The following G3BP2 variants were observed in gnomAD, a reference collection of about 807,000 sequenced individuals.
G3BP2 encodes the protein ras GTPase-activating protein-binding protein 2.
In G3BP2, 11 loss-of-function variants were observed where a neutral mutation model predicts 56.7. The ratio of observed to expected loss-of-function variants is 0.19; its 90% CI spans 0.12 to 0.32. The LOEUF (loss-of-function observed/expected upper bound fraction) is 0.32, where lower values mean the gene tolerates loss of function less well. G3BP2 is among the 10% of genes least tolerant of loss of function. The pLI is 1.00. For missense variants in G3BP2, 340 were observed against 610.9 expected (o/e 0.56, Z 4.67); for synonymous variants, 165 against 191.6 (o/e 0.86, Z 1.15).
At chr4:75,688,345 C>T (rs1473810982) in intron 3 of G3BP2, among the ~76,000 whole-genome samples, 1 of 152,144 alleles carries the variant, frequency 6.6e-6, no homozygotes, top group Admixed American at 6.6e-5. Flanking sequence ...ACCCGGCCCC[C>T]ATTAAGATTG....
At chr4:75,661,884 A>C in intron 2 of G3BP2, 47 bp downstream of exon 2, 1 of 966,030 alleles carries the variant, frequency 1.0e-6, no homozygotes, top group Non-Finnish European at 1.7e-6. Flanking sequence ...AGTCATACCC[A>C]AGAAAAAAAG....
chr4:75,692,562 G>A (rs10020040), intron 3 of G3BP2, among the ~76,000 whole-genome samples: 69,733 of 151,756 alleles, frequency 0.46, 16,371 homozygotes, highest in East Asian at 0.78. Context: ...CACCCACCTC[G>A]GCCTCCCAAA....
rs146232168 is a variant in G3BP2 at position 75,679,266 on chromosome 4, A to G, written c.-24-17217T>C. ...TCTTGGTGCAACTGGATCCTTTACA[A>G]AGCTTTTTAATGCACAGAGAAACCT... On this transcript the variant is annotated intron_variant, in intron 3 of 3. Coordinates refer to the G3BP2 transcript ENST00000499709. Among the ~76,000 whole-genome samples the G allele has an allele frequency of 4.0e-3, 615 of 152,346 alleles. 4 individuals carry two copies. The highest frequency in any genetic ancestry group is 3.5e-3 in the Non-Finnish European group (241 of 68,024).
At chr4:75,674,705 TATATATA>T, upstream of G3BP2, among the ~76,000 whole-genome samples, 2 of 43,790 alleles carry the variant, frequency 4.6e-5, no homozygotes, top group African/African-American at 1.6e-4. Flanking sequence ...CATATATATA[TATATATA>T]TATATATTTT....
intron 3 of G3BP2, among the ~76,000 whole-genome samples, chr4:75,716,795 G>C (rs1719947109): frequency 6.6e-6 from 1 of 152,102 alleles, no homozygotes; most frequent in Admixed American, 6.5e-5. Context: ...GATTACAGGC[G>C]TGAGCCACTG....
upstream of G3BP2, among the ~76,000 whole-genome samples, chr4:75,677,194 T>G (rs1733906158): frequency 6.6e-6 from 1 of 152,200 alleles, no homozygotes; most frequent in Non-Finnish European, 1.5e-5. Context: ...ACCCTTTCAT[T>G]TGACCATTCT....
chr4:75,681,758 A>AGAAT (rs1459222640), intron 3 of G3BP2, among the ~76,000 whole-genome samples: 1 of 151,100 alleles, frequency 6.6e-6, no homozygotes, highest in Non-Finnish European at 1.5e-5. Flanking sequence ...CTGAGGCAGG[A>AGAAT]GAATGGCTTG....
At chr4:75,714,321 T>C (rs978162221) in intron 3 of G3BP2, among the ~76,000 whole-genome samples, 1 of 152,176 alleles carries the variant, frequency 6.6e-6, no homozygotes, top group Non-Finnish European at 1.5e-5. Flanking sequence ...GGGGAAAATA[T>C]ATACATTTAA....
intron 8 of G3BP2, among the ~76,000 whole-genome samples, chr4:75,652,299 C>G (rs1233104291): frequency 6.6e-6 from 1 of 152,168 alleles, no homozygotes; most frequent in Non-Finnish European, 1.5e-5. Flanking sequence ...AGATACATGA[C>G]TCTGCAGCAA....
intron 3 of G3BP2, among the ~76,000 whole-genome samples, chr4:75,717,264 C>T (rs2149117534): frequency 6.6e-6 from 1 of 152,150 alleles, no homozygotes; most frequent in Non-Finnish European, 1.5e-5. Flanking sequence ...GGTGAAACCC[C>T]ATCTCTACAA....
At chr4:75,676,413 G>A (rs1318914060), upstream of G3BP2, among the ~76,000 whole-genome samples, 1 of 148,816 alleles carries the variant, frequency 6.7e-6, no homozygotes, top group Non-Finnish European at 1.5e-5. Context: ...CATGATCTGG[G>A]CTGACTGCAA....
chr4:75,707,540 G>A (rs1001795651), intron 3 of G3BP2, among the ~76,000 whole-genome samples: 7 of 151,254 alleles, frequency 4.6e-5, no homozygotes, highest in African/African-American at 1.7e-4. Flanking sequence ...AACCTGGGAG[G>A]CGGAGGTTGC....
intron 3 of G3BP2, among the ~76,000 whole-genome samples, chr4:75,685,614 C>T (rs1718567850): frequency 6.6e-6 from 1 of 152,114 alleles, no homozygotes; most frequent in African/African-American, 2.4e-5. Context: ...ACTAAGTTCC[C>T]TCAGCTTCTT....
intron 3 of G3BP2, among the ~76,000 whole-genome samples, chr4:75,707,159 G>T (rs994321579): frequency 1.4e-5 from 2 of 146,324 alleles, no homozygotes; most frequent in Non-Finnish European, 1.5e-5. Flanking sequence ...GGGCAACAAG[G>T]GCGAAACTCC....
chr4:75,712,753 T>A (rs1278948678), intron 3 of G3BP2, among the ~76,000 whole-genome samples: 1 of 151,970 alleles, frequency 6.6e-6, no homozygotes, highest in Non-Finnish European at 1.5e-5. Flanking sequence ...TAGAAAGAAA[T>A]TTGAATCAGG....
intron 3 of G3BP2, among the ~76,000 whole-genome samples, chr4:75,687,241 G>T (rs956442434): frequency 1.3e-5 from 2 of 152,100 alleles, no homozygotes; most frequent in Admixed American, 1.3e-4. Flanking sequence ...ATGGGGGTAG[G>T]TCTTTTCCAT....
In G3BP2 at chr4:75,673,390, C is replaced by A. The variant is rs911731512; in HGVS notation, c.-207G>T. ...TCTTCCCGGGCGCCAGGCGCTGCGA[C>A]GTGCGACAAGGACCACGGACGTCCC... On this transcript the variant is annotated 5_prime_UTR_variant, in exon 1 of 12. Coordinates refer to ENST00000359707, the MANE Select transcript of G3BP2 (RefSeq NM_203505.3). The A allele has an allele frequency of 4.9e-6, 6 of 1,232,076 alleles. No homozygotes were observed. In the African/African-American group the frequency reaches 9.3e-5, roughly 19 times the overall value. 76.3% of individuals were successfully genotyped at this position (1,232,076 alleles called of 1,614,324 possible). A position where few individuals can be genotyped will look rare whatever the true frequency, so the allele number is the denominator to read the frequency against.
chr4:75,675,839 T>C (rs1223949898), upstream of G3BP2, among the ~76,000 whole-genome samples: 5 of 152,038 alleles, frequency 3.3e-5, no homozygotes, highest in African/African-American at 1.2e-4. Flanking sequence ...GGGCAAACGG[T>C]TTGATAAGGG....
intron 3 of G3BP2, among the ~76,000 whole-genome samples, chr4:75,712,117 T>C (rs973582882): frequency 1.3e-5 from 2 of 152,224 alleles, no homozygotes; most frequent in Non-Finnish European, 2.9e-5. Flanking sequence ...TTGATCATTA[T>C]ACATTGTATA....
Sources: allele counts gnomAD v4.1 joint callset (sites outside exome capture counted in the v4.1 genomes callset), GRCh38; gene constraint gnomAD v4.1.1; transcripts MANE v1.5; gene names NCBI Gene and HGNC (gene_info 2026-07-23, HGNC 2026-07-21).